The following WWOX variants were observed in gnomAD, a reference collection of about 807,000 sequenced individuals.
WWOX encodes WW domain-containing oxidoreductase.
WWOX carries 69 observed loss-of-function variants against 46.2 expected under a neutral mutation model. That is an observed-to-expected ratio of 1.49 (90% CI 1.23 to 1.82). The LOEUF (loss-of-function observed/expected upper bound fraction) is 1.82. Among genes scored for constraint, WWOX ranks in the 40% most tolerant of loss-of-function variants. WWOX has a pLI of 0.00. For missense variants in WWOX, 919 were observed against 542.6 expected, an observed-to-expected ratio of 1.69 and a Z score of -6.89; for synonymous variants, 359 against 202.6, an observed-to-expected ratio of 1.77 and a Z score of -6.56.
chr16:78,712,345 T>A (rs1206236794), intron 8 of WWOX, among the ~76,000 whole-genome samples: 1 of 151,958 alleles, frequency 6.6e-6, no homozygotes, highest in East Asian at 1.9e-4. Flanking sequence ...CTACTAAAAA[T>A]ACAAAAATTA....
intron 8 of WWOX, among the ~76,000 whole-genome samples, chr16:79,185,567 C>T (rs978925983): frequency 5.3e-5 from 8 of 152,152 alleles, no homozygotes; most frequent in African/African-American, 1.4e-4. Context: ...GAGAGCTCGC[C>T]GCACAGATCT....
Position 78,825,483 on chromosome 16 carries a change from T to C in WWOX, c.1057-386125T>C, listed in dbSNP as rs986289688. The stretch of plus-strand genomic sequence containing the variant: ...GTGAGAACAGCCAGGGATTCTGGAA[T>C]TGACTGCTGTAGTTCAGAAGAGATT... On this transcript the variant is annotated intron_variant, in intron 8 of 8. Transcript: ENST00000566780. 84 of 452,330 alleles carry C rather than the reference T, an allele frequency of 1.9e-4. 2 individuals carry two copies. The highest frequency in any genetic ancestry group is 2.8e-4 in the Non-Finnish European group (64 of 224,982). The allele number at this position is 452,330 out of a possible 1,614,324, so 28.0% of individuals were successfully genotyped here. A position where few individuals can be genotyped will look rare whatever the true frequency, so the allele number is the denominator to read the frequency against.
At chr16:79,159,959 G>C (rs942855004) in intron 8 of WWOX, among the ~76,000 whole-genome samples, 1 of 152,076 alleles carries the variant, frequency 6.6e-6, no homozygotes, top group African/African-American at 2.4e-5. Flanking sequence ...AAAGCACCGG[G>C]ATTCATACCT....
At chr16:78,406,362 A>T (rs534760851) in intron 6 of WWOX, among the ~76,000 whole-genome samples, 11,282 of 74,892 alleles carry the variant, frequency 0.15, 1,767 homozygotes, top group African/African-American at 0.4. Context: ...ATATTTTATT[A>T]TTTTTTTTTG....
chr16:78,451,023 G>T (rs951473404), intron 8 of WWOX, among the ~76,000 whole-genome samples: 6 of 152,156 alleles, frequency 3.9e-5, no homozygotes, highest in African/African-American at 1.4e-4. Flanking sequence ...TAACCCGGAA[G>T]AGTCTTTCTT....
intron 8 of WWOX, among the ~76,000 whole-genome samples, chr16:78,489,278 C>G (rs1002056042): frequency 6.6e-6 from 1 of 152,162 alleles, no homozygotes; most frequent in African/African-American, 2.4e-5. Context: ...AACATAAGAA[C>G]AGATGTTCTC....
At chr16:78,248,511 G>T (rs1347819287) in intron 5 of WWOX, among the ~76,000 whole-genome samples, 3 of 152,140 alleles carry the variant, frequency 2.0e-5, no homozygotes, top group Non-Finnish European at 4.4e-5. Context: ...CGAGGCAGGT[G>T]GATTGCTTGA....
At chr16:78,278,622 C>T (rs761491902) in intron 5 of WWOX, 48 of 1,610,722 alleles carry the variant, frequency 3.0e-5, no homozygotes, top group African/African-American at 6.7e-5. Context: ...TACCACCCTC[C>T]GCCAGAAAAG....
intron 8 of WWOX, among the ~76,000 whole-genome samples, chr16:79,186,767 C>A (rs936863386): frequency 6.6e-6 from 1 of 152,016 alleles, no homozygotes; most frequent in African/African-American, 2.4e-5. Flanking sequence ...AATTTTTCTC[C>A]AATCCTCACG....
intron 8 of WWOX, among the ~76,000 whole-genome samples, chr16:79,183,249 C>G (rs1597453954): frequency 6.6e-6 from 1 of 152,176 alleles, no homozygotes. Context: ...TCTTGCAAAC[C>G]TAATGTAGGT....
rs57364873 is a variant in WWOX, at chr16:78,358,866, C to CTTTTTTTT, written c.517-27983_517-27976dup. ...CATAAAGTTGAAATCACACTGTGGTCTTTTTTTTTTTTTTTTTTAACCAGA... is the reference window on the plus strand; with the variant it reads ...CATAAAGTTGAAATCACACTGTGGTCTTTTTTTTTTTTTTTTTTTTTTTTTTAACCAGA... On this transcript the variant is annotated intron_variant, in intron 5 of 8. Coordinates refer to ENST00000566780, the MANE Select transcript of WWOX (RefSeq NM_016373.4). 3.8e-3 allele frequency among the ~76,000 whole-genome samples: 456 copies of CTTTTTTTT among 120,910 alleles called. 8 individuals are homozygous for CTTTTTTTT. Among genetic ancestry groups the CTTTTTTTT allele is most frequent in the African/African-American group, 0.013 (405 of 32,258 alleles). 79.3% of individuals were successfully genotyped at this position (120,910 alleles called of 152,430 possible). A position where few individuals can be genotyped will look rare whatever the true frequency, so the allele number is the denominator to read the frequency against.
At chr16:78,492,985 G>C (rs1191338434) in intron 8 of WWOX, among the ~76,000 whole-genome samples, 3 of 152,120 alleles carry the variant, frequency 2.0e-5, no homozygotes, top group African/African-American at 4.8e-5. Context: ...ATCATCTCTA[G>C]TCAGCATGGG....
At chr16:78,863,256 C>A (rs1265492565) in intron 8 of WWOX, among the ~76,000 whole-genome samples, 1 of 152,178 alleles carries the variant, frequency 6.6e-6, no homozygotes, top group Non-Finnish European at 1.5e-5. Flanking sequence ...CCACTCCCAG[C>A]CAGCCAAGTA....
intron 8 of WWOX, among the ~76,000 whole-genome samples, chr16:78,824,266 T>C (rs1018059898): frequency 6.6e-6 from 1 of 152,160 alleles, no homozygotes; most frequent in African/African-American, 2.4e-5. Flanking sequence ...TGTAGAAAGT[T>C]TTTCTAACAA....
At chr16:78,351,776 C>G (rs570019369) in intron 5 of WWOX, among the ~76,000 whole-genome samples, 8 of 152,166 alleles carry the variant, frequency 5.3e-5, no homozygotes, top group African/African-American at 1.7e-4. Flanking sequence ...CCTCTCCCAG[C>G]CTCCCGAGTC....
chr16:78,405,791 CAT>C (rs747524320), intron 6 of WWOX, among the ~76,000 whole-genome samples: 3 of 152,114 alleles, frequency 2.0e-5, no homozygotes, highest in African/African-American at 4.8e-5. Context: ...TGGGCATTAT[CAT>C]TCCCTTTATA....
rs927807973 is a variant in WWOX, at chr16:78,434,954, T to G, written c.1056+2202T>G. Among the ~76,000 whole-genome samples, 6 of 152,262 alleles carry G rather than the reference T, an allele frequency of 3.9e-5. No homozygotes were observed. In the East Asian group the frequency reaches 9.7e-4, roughly 25 times the overall value. Reference sequence around the variant, plus strand: ...ATAAAGTCAGGGTAAACATTTTTATTTATTGGAGAAGAGTTGATTATTATC... The same window carrying G: ...ATAAAGTCAGGGTAAACATTTTTATGTATTGGAGAAGAGTTGATTATTATC... On this transcript the variant is annotated intron_variant, in intron 8 of 8. Coordinates refer to ENST00000566780, the MANE Select transcript of WWOX (RefSeq NM_016373.4).
chr16:78,789,120 G>A (rs980403685), intron 8 of WWOX, among the ~76,000 whole-genome samples: 8 of 152,018 alleles, frequency 5.3e-5, no homozygotes, highest in Admixed American at 4.6e-4. Context: ...GGTCATGAAC[G>A]TTTACCTCTG....
intron 8 of WWOX, among the ~76,000 whole-genome samples, chr16:78,871,897 C>T (rs2044136930): frequency 6.6e-6 from 1 of 152,202 alleles, no homozygotes; most frequent in Admixed American, 6.5e-5. Flanking sequence ...GCCCCCAGGC[C>T]CTACCCTGGG....
Sources: gnomAD v4.1 joint callset for allele counts (sites outside exome capture counted in the v4.1 genomes callset) on GRCh38, gnomAD v4.1.1 for gene constraint, MANE v1.5 for transcripts, NCBI Gene and HGNC (gene_info 2026-07-23, HGNC 2026-07-21) for gene names.